LRRC7: variants seen among roughly 807,000 people sequenced by gnomAD.
LRRC7 encodes leucine rich repeat containing 7, also known as leucine-rich repeat-containing protein 7.
In LRRC7, 23 loss-of-function variants were observed where a neutral mutation model predicts 175.7. The ratio of observed to expected loss-of-function variants is 0.13; its 90% CI spans 0.09 to 0.19. LRRC7 has a LOEUF of 0.19. LRRC7 is among the 10% of genes least tolerant of loss of function. The pLI, the probability that LRRC7 is intolerant of heterozygous loss-of-function variation, is 1.00. For missense variants in LRRC7, 1,354 were observed against 1,904.7 expected, an observed-to-expected ratio of 0.71 and a Z score of 5.38; for synonymous variants, 685 against 680.9, an observed-to-expected ratio of 1.01 and a Z score of -0.09.
intron 1 of LRRC7, among the ~76,000 whole-genome samples, chr1:69,583,299 AT>A (rs1425750421): frequency 6.6e-6 from 1 of 151,976 alleles, no homozygotes; most frequent in Non-Finnish European, 1.5e-5. Flanking sequence ...TTACAAATAA[AT>A]TTTTTGTTTT....
intron 2 of LRRC7, among the ~76,000 whole-genome samples, chr1:69,756,659 CT>C (rs530661900): frequency 1.9e-4 from 29 of 151,612 alleles, no homozygotes; most frequent in African/African-American, 6.3e-4. Context: ...AAAAATACAC[CT>C]TTTTTGAGGT....
chr1:69,594,733 T>C (rs1267239209), intron 1 of LRRC7, among the ~76,000 whole-genome samples: 1 of 152,200 alleles, frequency 6.6e-6, no homozygotes. Flanking sequence ...CTGATCTCTC[T>C]GCCACTCATA....
chr1:70,076,871 C>T (rs1262407248), intron 24 of LRRC7, among the ~76,000 whole-genome samples: 10 of 152,136 alleles, frequency 6.6e-5, no homozygotes, highest in Admixed American at 5.2e-4. Flanking sequence ...CTCTTCAAAC[C>T]TATCTAAAAT....
chr1:69,802,584 T>C (rs776757893), intron 4 of LRRC7, among the ~76,000 whole-genome samples: 3 of 151,450 alleles, frequency 2.0e-5, no homozygotes, highest in Non-Finnish European at 4.4e-5. Flanking sequence ...TCTCATCCCT[T>C]TACCTTCAGT....
At chr1:69,707,946 G>T (rs1664252768) in intron 2 of LRRC7, among the ~76,000 whole-genome samples, 1 of 152,112 alleles carries the variant, frequency 6.6e-6, no homozygotes, top group Non-Finnish European at 1.5e-5. Flanking sequence ...CTAACGGGTG[G>T]TATAAGAGAG....
chr1:69,806,949 C>A (rs1677187818), intron 4 of LRRC7, among the ~76,000 whole-genome samples: 1 of 152,000 alleles, frequency 6.6e-6, no homozygotes, highest in Non-Finnish European at 1.5e-5. Flanking sequence ...GCTCCAATAG[C>A]TATTGGTCAA....
chr1:69,582,616 G>A (rs1477330430), intron 1 of LRRC7, among the ~76,000 whole-genome samples: 2 of 152,180 alleles, frequency 1.3e-5, no homozygotes, highest in Non-Finnish European at 2.9e-5. Context: ...GGTATAAGTG[G>A]CTCAGTGATG....
At chr1:70,025,251 T>G (rs1286676598) in intron 17 of LRRC7, among the ~76,000 whole-genome samples, 2 of 148,852 alleles carry the variant, frequency 1.3e-5, no homozygotes, top group Non-Finnish European at 3.0e-5. Context: ...TAATTAATCA[T>G]TTATTTTTAG....
At chr1:69,582,254 T>C (rs1646229546) in intron 1 of LRRC7, among the ~76,000 whole-genome samples, 1 of 152,224 alleles carries the variant, frequency 6.6e-6, no homozygotes, top group Admixed American at 6.5e-5. Context: ...TATTTTACCC[T>C]TTCTTCCAGT....
chr1:70,116,763 T>C (rs1456541800), intron 26 of LRRC7, among the ~76,000 whole-genome samples: 1 of 152,198 alleles, frequency 6.6e-6, no homozygotes, highest in African/African-American at 2.4e-5. Flanking sequence ...ATAGAGTCAA[T>C]ATAGTATTGA....
chr1:69,579,794 C>CTTTTTT (rs71242784), intron 1 of LRRC7, among the ~76,000 whole-genome samples: 3 of 127,182 alleles, frequency 2.4e-5, no homozygotes, highest in African/African-American at 9.1e-5. Context: ...TGAATAGAAG[C>CTTTTTT]TTTTTTTTTT....
intron 2 of LRRC7, among the ~76,000 whole-genome samples, chr1:69,710,418 C>T (rs1038374499): frequency 6.6e-6 from 1 of 152,072 alleles, no homozygotes; most frequent in Non-Finnish European, 1.5e-5. Context: ...CCAGCAGCAA[C>T]CAGCAAAGCA....
chr1:69,668,915 CAT>C (rs1301320957), intron 1 of LRRC7, among the ~76,000 whole-genome samples: 2 of 152,078 alleles, frequency 1.3e-5, no homozygotes, highest in East Asian at 1.9e-4. Flanking sequence ...AGCTTTTTTT[CAT>C]ATGTTTTTTG....
chr1:69,980,345 T>A, intron 8 of LRRC7, 34 bp from the exon 9 acceptor site: 3 of 1,527,322 alleles, frequency 2.0e-6, no homozygotes, highest in Non-Finnish European at 2.7e-6. Context: ...TTAATTTTGT[T>A]TTCCTCTCTC....
chr1:70,122,012 C>G lies in LRRC7; in HGVS notation c.*125C>G, dbSNP rs997562888. 3 of 661,710 alleles carry G rather than the reference C, an allele frequency of 4.5e-6. No homozygotes were observed. In the African/African-American group the frequency reaches 5.5e-5, roughly 12 times the overall value. The allele number at this position is 661,710 out of a possible 1,614,324, so 41.0% of individuals were successfully genotyped here. Reference sequence around the variant, plus strand: ...AAACATTAGTGCCAAATGTATAATACTATATGTTAGCACTGACCATCCTTA... The same window carrying G: ...AAACATTAGTGCCAAATGTATAATAGTATATGTTAGCACTGACCATCCTTA... On this transcript the variant is annotated 3_prime_UTR_variant, in exon 27 of 27. Transcript: ENST00000651989.
chr1:69,894,724 T>C (rs1337703475), intron 7 of LRRC7, among the ~76,000 whole-genome samples: 1 of 152,218 alleles, frequency 6.6e-6, no homozygotes, highest in Non-Finnish European at 1.5e-5. Flanking sequence ...GACATTATGT[T>C]AACTAAAATA....
chr1:69,715,801 C>A (rs1665278569), intron 2 of LRRC7, among the ~76,000 whole-genome samples: 1 of 151,692 alleles, frequency 6.6e-6, no homozygotes, highest in Non-Finnish European at 1.5e-5. Flanking sequence ...AGGAAAAATA[C>A]ATTTTACATT....
At chr1:70,107,188 TA>T (rs1454590145) in intron 25 of LRRC7, among the ~76,000 whole-genome samples, 1 of 152,254 alleles carries the variant, frequency 6.6e-6, no homozygotes, top group East Asian at 1.9e-4. Context: ...TCATAAACTT[TA>T]TTTAAAATGC....
chr1:69,906,515 G>A (rs568480498), intron 7 of LRRC7, among the ~76,000 whole-genome samples: 3 of 152,208 alleles, frequency 2.0e-5, no homozygotes, highest in Admixed American at 6.5e-5. Flanking sequence ...ATTAAACAGG[G>A]AATCCTTTCC....
Sources: gnomAD v4.1 joint callset for allele counts (sites outside exome capture counted in the v4.1 genomes callset) on GRCh38, gnomAD v4.1.1 for gene constraint, MANE v1.5 for transcripts, NCBI Gene and HGNC (gene_info 2026-07-23, HGNC 2026-07-21) for gene names.